The following NCBP1 variants were observed in gnomAD, a reference collection of about 807,000 sequenced individuals.
NCBP1 encodes nuclear cap binding protein subunit 1, also known as nuclear cap-binding protein subunit 1.
A neutral mutation model predicts 111.7 loss-of-function variants in NCBP1; 16 were observed. The observed-to-expected ratio is 0.14, with a 90% confidence interval of 0.10 to 0.22. The LOEUF is 0.22. Among genes scored for constraint, NCBP1 ranks in the 10% least tolerant of loss-of-function variants. The pLI, the probability that NCBP1 is intolerant of heterozygous loss-of-function variation, is 1.00. For synonymous variants in NCBP1, 304 were observed against 314.3 expected, an observed-to-expected ratio of 0.97 and a Z score of 0.35; for missense variants, 607 against 957.5, an observed-to-expected ratio of 0.63 and a Z score of 4.83.
intron 1 of NCBP1, chr9:97,634,746 A>G (rs1826951791): frequency 6.6e-6 from 1 of 152,252 alleles, no homozygotes; most frequent in Admixed American, 6.5e-5. Flanking sequence ...TCTATTGTTA[A>G]CATTTTAGTG....
intron 8 of NCBP1, among the ~76,000 whole-genome samples, chr9:97,649,750 T>TG (rs1221200421): frequency 5.3e-5 from 8 of 151,896 alleles, no homozygotes; most frequent in Non-Finnish European, 7.4e-5. Flanking sequence ...TTTTTTTTTT[T>TG]TGTGCAGGGG....
At chr9:97,636,339 A>G (rs927339998) in intron 1 of NCBP1, among the ~76,000 whole-genome samples, 5 of 151,698 alleles carry the variant, frequency 3.3e-5, no homozygotes, top group Admixed American at 6.6e-5. Flanking sequence ...TATTACAGTC[A>G]GAATTAAATA....
At chr9:97,642,306 A>G (rs562030111) in intron 3 of NCBP1, among the ~76,000 whole-genome samples, 7 of 152,164 alleles carry the variant, frequency 4.6e-5, no homozygotes, top group African/African-American at 1.7e-4. Flanking sequence ...CTGAACTTGT[A>G]TTGCTTCGCA....
At chr9:97,651,457 T>C in intron 10 of NCBP1, 84 bp downstream of exon 10, 1 of 1,101,700 alleles carries the variant, frequency 9.1e-7, no homozygotes, top group Non-Finnish European at 1.3e-6. Context: ...GGCTTATTTA[T>C]TTATTTATTT....
At chr9:97,646,306 C>T (rs1271303220) in intron 6 of NCBP1, among the ~76,000 whole-genome samples, 1 of 152,146 alleles carries the variant, frequency 6.6e-6, no homozygotes, top group Non-Finnish European at 1.5e-5. Context: ...ACTCATCTCT[C>T]CTAAGCCAAT....
chr9:97,671,306 T>A lies in NCBP1; in HGVS notation c.*107T>A. The A allele has an allele frequency of 1.3e-6, 1 of 799,108 alleles. No homozygotes were observed. Among genetic ancestry groups the A allele is most frequent in the Non-Finnish European group, 2.0e-6 (1 of 504,532 alleles). 49.5% of individuals were successfully genotyped at this position (799,108 alleles called of 1,614,324 possible). A position where few individuals can be genotyped will look rare whatever the true frequency, so the allele number is the denominator to read the frequency against. On this transcript the variant is annotated 3_prime_UTR_variant, in exon 23 of 23. Coordinates refer to ENST00000375147, the MANE Select transcript of NCBP1 (RefSeq NM_002486.5). ...TTTCTTGTAGTATCCTTTCACTTCT[T>A]AAAGGAAACAAAGGGGAAGAGGACA...
chr9:97,644,385 T>C (rs1564019195), intron 4 of NCBP1, among the ~76,000 whole-genome samples: 1 of 152,204 alleles, frequency 6.6e-6, no homozygotes, highest in Non-Finnish European at 1.5e-5. Context: ...CCCTCCTTGC[T>C]CACTACTTGA....
Position 97,640,892 on chromosome 9 carries a change from A to G in NCBP1, c.123+10A>G, listed in dbSNP as rs750838690. On this transcript the variant is annotated intron_variant, in intron 2 of 22. Transcript: ENST00000375147. ...TAAAGTAGGAGAAAAGGTATGTCAC[A>G]CAATAGGCACAGGCTGTGATGGGTT... The G allele has an allele frequency of 2.6e-6, 4 of 1,558,564 alleles. No individual in the cohort carries two copies. In the South Asian group the frequency reaches 4.6e-5, roughly 18 times the overall value.
intron 4 of NCBP1, 34 bp downstream of exon 4, chr9:97,643,394 A>G (rs753368029): frequency 5.3e-6 from 8 of 1,517,144 alleles, no homozygotes; most frequent in Non-Finnish European, 5.3e-6. Flanking sequence ...TGTTATGACT[A>G]CTGTTGGGAT....
intron 1 of NCBP1, among the ~76,000 whole-genome samples, chr9:97,640,092 C>T (rs1206126911): frequency 1.3e-5 from 2 of 152,096 alleles, no homozygotes; most frequent in Admixed American, 6.6e-5. Flanking sequence ...TTTGAATATA[C>T]GTATACTGAC....
chr9:97,656,126 G>A (rs2131350762), intron 14 of NCBP1, 41 bp downstream of exon 14: 1 of 1,491,930 alleles, frequency 6.7e-7, no homozygotes, highest in Non-Finnish European at 9.3e-7. Context: ...TCTTTGGGAG[G>A]ATTTCTTTCT....
At chr9:97,643,181 G>T (rs773627176) in intron 3 of NCBP1, 23 bp from the exon 4 acceptor site, 6 of 1,555,448 alleles carry the variant, frequency 3.9e-6, no homozygotes, top group African/African-American at 1.4e-5. Flanking sequence ...GGGTTTTCTT[G>T]TTATACTGGG....
chr9:97,668,212 G>T (rs1217692975), intron 20 of NCBP1, among the ~76,000 whole-genome samples: 1 of 152,200 alleles, frequency 6.6e-6, no homozygotes, highest in Non-Finnish European at 1.5e-5. Context: ...GTGATGCTGG[G>T]AAAGTCATCT....
intron 19 of NCBP1, among the ~76,000 whole-genome samples, chr9:97,665,919 G>A (rs1231575583): frequency 6.6e-6 from 1 of 152,158 alleles, no homozygotes; most frequent in East Asian, 1.9e-4. Flanking sequence ...TAAATCATAA[G>A]AGAGGAAACA....
At chr9:97,661,152 T>A in intron 16 of NCBP1, 84 bp downstream of exon 16, 2 of 1,541,328 alleles carry the variant, frequency 1.3e-6, no homozygotes, top group Non-Finnish European at 1.8e-6. Flanking sequence ...CATGATGCTC[T>A]TAAAGCAATA....
At chr9:97,657,481 T>TGTTAA (rs2131353065) in intron 14 of NCBP1, among the ~76,000 whole-genome samples, 1 of 152,360 alleles carries the variant, frequency 6.6e-6, no homozygotes, top group East Asian at 1.9e-4. Context: ...AGGCACATGA[T>TGTTAA]TCCCACCACT....
chr9:97,643,133 A>G, intron 3 of NCBP1, 71 bp from the exon 4 acceptor site: 11 of 1,422,064 alleles, frequency 7.7e-6, no homozygotes, highest in Non-Finnish European at 1.0e-5. Flanking sequence ...TGATAAAAAG[A>G]TTCACATAAA....
In NCBP1 at chr9:97,671,069, C is replaced by G. The variant is rs76671447; in HGVS notation, c.2260-17C>G. 6.4e-6 allele frequency: 10 copies of G among 1,552,426 alleles called. No individual in the cohort carries two copies. The South Asian group carries it at 6.7e-5, about 10-fold the overall frequency. ...TGCTTTTTCCTGACCTAACTACCCC[C>G]TTTTGTGTGTCCACAGCATCACCAA... On this transcript the variant is annotated splice_polypyrimidine_tract_variant and intron_variant, in intron 22 of 22. Transcript: ENST00000375147.
At chr9:97,659,969 G>GC (rs1047936949) in intron 15 of NCBP1, among the ~76,000 whole-genome samples, 1 of 152,086 alleles carries the variant, frequency 6.6e-6, no homozygotes, top group African/African-American at 2.4e-5. Flanking sequence ...AGTCTGGAAA[G>GC]CCCTTTCTAG....
Sources: gnomAD v4.1 joint callset for allele counts (sites outside exome capture counted in the v4.1 genomes callset) on GRCh38, gnomAD v4.1.1 for gene constraint, MANE v1.5 for transcripts, NCBI Gene and HGNC (gene_info 2026-07-23, HGNC 2026-07-21) for gene names.